The following EFTUD2 variants were observed in gnomAD, a reference collection of about 807,000 sequenced individuals.
EFTUD2 encodes elongation factor Tu GTP binding domain containing 2, also known as 116 kDa U5 small nuclear ribonucleoprotein component.
EFTUD2 carries 9 observed loss-of-function variants against 114.3 expected under a neutral mutation model. The observed-to-expected ratio is 0.08, with a 90% CI of 0.05 to 0.14. The LOEUF (loss-of-function observed/expected upper bound fraction) is 0.14. Among genes scored for constraint, EFTUD2 ranks in the 10% least tolerant of loss-of-function variants. The pLI is 1.00. For synonymous variants in EFTUD2, 449 were observed against 462.3 expected (o/e 0.97, Z 0.37); for missense variants, 765 against 1,241.2 (o/e 0.62, Z 5.76).
rs139822348 is a variant in EFTUD2 at position 44,886,843 on chromosome 17, A to G, written c.106-93T>C. ...CCGTGAGTGACAGCACTGACTGTAC[A>G]TGCTGGCCAGCTTCTTATTCTGAGT... is the stretch of plus-strand genomic sequence containing the variant. On this transcript the variant is annotated intron_variant, in intron 2 of 27. Transcript: ENST00000426333. 9.2e-5 allele frequency: 139 copies of G among 1,508,200 alleles called. No individual in the cohort carries two copies. The African/African-American group carries it at 1.7e-3, about 18-fold the overall frequency. 93.4% of individuals were successfully genotyped at this position (1,508,200 alleles called of 1,614,324 possible).
chr17:44,854,247 G>T lies in EFTUD2; in HGVS notation c.2347+22C>A, dbSNP rs779875128. 3.7e-6 allele frequency: 6 copies of T among 1,603,266 alleles called. No homozygotes were observed. Among genetic ancestry groups the T allele is most frequent in the Non-Finnish European group, 4.3e-6 (5 of 1,173,856 alleles). ...TGCAAGGACCCTCGAGGACTGGGGT[G>T]GGGGAGTGCTGGTGGACTTACATTC... On this transcript the variant is annotated intron_variant, in intron 23 of 27. Transcript: ENST00000426333. The surrounding 1 kb of genome is among the most constrained non-coding windows in gnomAD (Gnocchi z 4.3).
At chr17:44,882,807 T>C (rs2051096292) in intron 6 of EFTUD2, among the ~76,000 whole-genome samples, 1 of 152,132 alleles carries the variant, frequency 6.6e-6, no homozygotes, top group Non-Finnish European at 1.5e-5. Flanking sequence ...CTATTAATAC[T>C]ATAACAGGAA....
intron 26 of EFTUD2, 47 bp from the exon 27 acceptor site, chr17:44,851,864 G>T: frequency 6.6e-7 from 1 of 1,516,120 alleles, no homozygotes; most frequent in Non-Finnish European, 9.0e-7. Flanking sequence ...ATTCCCAGAA[G>T]ATTCAGGCCC....
At chr17:44,877,860 G>A (rs946090786) in intron 9 of EFTUD2, among the ~76,000 whole-genome samples, 18 of 146,532 alleles carry the variant, frequency 1.2e-4, no homozygotes, top group South Asian at 2.2e-4. Flanking sequence ...GGCTGGAAGC[G>A]GTGGCTCACG....
chr17:44,850,827 A>G lies in EFTUD2; in HGVS notation c.*447T>C. 4.3e-6 allele frequency: 1 copy of G among 234,200 alleles called. No homozygotes were observed. Among genetic ancestry groups the G allele is most frequent in the East Asian group, 9.2e-5 (1 of 10,860 alleles). The allele number at this position is 234,200 out of a possible 1,614,324, so 14.5% of individuals were successfully genotyped here. A position where few individuals can be genotyped will look rare whatever the true frequency, so the allele number is the denominator to read the frequency against. ...CTGCAGCTGGAAGCAGAGGCAGTGA[A>G]GCCTCTTGGGAGATGACATATATTC... On this transcript the variant is annotated 3_prime_UTR_variant, in exon 28 of 28. Transcript: ENST00000426333.
At chr17:44,884,641 T>A (rs936671879) in intron 4 of EFTUD2, among the ~76,000 whole-genome samples, 1 of 152,052 alleles carries the variant, frequency 6.6e-6, no homozygotes, top group Admixed American at 6.6e-5. Flanking sequence ...GCCTGTAATC[T>A]CAGCACTTTG....
At chr17:44,891,609 C>G (rs916539783) in intron 2 of EFTUD2, among the ~76,000 whole-genome samples, 1 of 152,174 alleles carries the variant, frequency 6.6e-6, no homozygotes, top group African/African-American at 2.4e-5. Flanking sequence ...CTTGACCTTC[C>G]AAAGTGCTGG....
intron 11 of EFTUD2, among the ~76,000 whole-genome samples, chr17:44,870,606 A>G (rs1467545787): frequency 6.6e-6 from 1 of 152,198 alleles, no homozygotes; most frequent in Non-Finnish European, 1.5e-5. Flanking sequence ...GCTCAATGTG[A>G]AGATGACGAA....
chr17:44,873,898 A>AT (rs1054585104), intron 10 of EFTUD2, among the ~76,000 whole-genome samples: 1 of 149,338 alleles, frequency 6.7e-6, no homozygotes, highest in Non-Finnish European at 1.5e-5. Flanking sequence ...AGCCCGGCTA[A>AT]TTTTTTTTGT....
At chr17:44,881,875 C>A (rs536592679) in intron 6 of EFTUD2, 153 bp from the exon 7 acceptor site, 14 of 667,252 alleles carry the variant, frequency 2.1e-5, no homozygotes, top group Admixed American at 1.7e-4. Context: ...CAATTACAGA[C>A]AATGAGACCA....
chr17:44,880,942 CA>C (rs1243894604), intron 7 of EFTUD2, among the ~76,000 whole-genome samples: 5 of 151,594 alleles, frequency 3.3e-5, no homozygotes, highest in Non-Finnish European at 7.4e-5. Context: ...ACATTAGAAA[CA>C]AAAACAATAG....
At chr17:44,884,567 A>C (rs1413843796) in intron 4 of EFTUD2, among the ~76,000 whole-genome samples, 1 of 151,194 alleles carries the variant, frequency 6.6e-6, no homozygotes, top group East Asian at 1.9e-4. Flanking sequence ...TCCTACACAT[A>C]TATCTACCTC....
chr17:44,860,959 A>G (rs184546447), intron 16 of EFTUD2, among the ~76,000 whole-genome samples: 72 of 152,298 alleles, frequency 4.7e-4, no homozygotes, highest in Admixed American at 4.4e-3. Context: ...AGCAAAACAG[A>G]TACATTCTAG....
intron 13 of EFTUD2, 127 bp from the exon 14 acceptor site, chr17:44,865,192 G>A (rs767634868): frequency 7.3e-7 from 1 of 1,363,458 alleles, no homozygotes; most frequent in Middle Eastern, 2.5e-4. Context: ...TGGAGACAAA[G>A]CTCTTGGCAA....
At chr17:44,897,401 A>T (rs2051409717) in intron 1 of EFTUD2, among the ~76,000 whole-genome samples, 2 of 152,158 alleles carry the variant, frequency 1.3e-5, no homozygotes, top group African/African-American at 4.8e-5. Context: ...GAACAGTACA[A>T]ATAACTTTCT....
Position 44,886,764 on chromosome 17 carries a change from G to A in EFTUD2, c.106-14C>T. 1.9e-6 allele frequency: 3 copies of A among 1,610,360 alleles called. No individual in the cohort carries two copies. The highest frequency in any genetic ancestry group is 2.5e-6 in the Non-Finnish European group (3 of 1,178,618). On this transcript the variant is annotated splice_polypyrimidine_tract_variant and intron_variant, in intron 2 of 27. Transcript: ENST00000426333. ...ATCATCATCCATCTGAAAGCAAGAG[G>A]GAGAGGGAGAATCGAAGAGGCACAC...
intron 10 of EFTUD2, among the ~76,000 whole-genome samples, chr17:44,875,261 T>C (rs994333397): frequency 1.3e-5 from 2 of 151,936 alleles, no homozygotes; most frequent in African/African-American, 4.8e-5. Context: ...CCGGGGGTGG[T>C]GGTTCACGCC....
At position 44,876,114 on chromosome 17, in the gene EFTUD2, G is replaced by C. The variant is rs1240316292; in HGVS notation, c.703-14C>G. ...GTTCAGCATCACCTGAGAAAAACAA[G>C]GCTCAGAAGGTGGTAAGAAGAACAA... On this transcript the variant is annotated splice_polypyrimidine_tract_variant and intron_variant, in intron 9 of 27. Coordinates refer to ENST00000426333, the MANE Select transcript of EFTUD2 (RefSeq NM_004247.4). 2 of 1,603,600 alleles carry C rather than the reference G, an allele frequency of 1.2e-6. No homozygotes were observed. Among genetic ancestry groups the C allele is most frequent in the Non-Finnish European group, 1.7e-6 (2 of 1,172,684 alleles).
At chr17:44,853,674 T>C in intron 23 of EFTUD2, 39 bp from the exon 24 acceptor site, 3 of 1,609,576 alleles carry the variant, frequency 1.9e-6, no homozygotes, top group Non-Finnish European at 1.7e-6. Context: ...GGAGAGGTTC[T>C]GGGCCTGTCA....
Sources: gnomAD v4.1 joint callset for allele counts (sites outside exome capture counted in the v4.1 genomes callset) on GRCh38, gnomAD v4.1.1 for gene constraint, Gnocchi (gnomAD v3.1) non-coding constraint, MANE v1.5 for transcripts, NCBI Gene and HGNC (gene_info 2026-07-23, HGNC 2026-07-21) for gene names.